The following NEDD4 variants were observed in gnomAD, a reference collection of about 807,000 sequenced individuals.
The protein encoded by NEDD4 is E3 ubiquitin-protein ligase NEDD4.
NEDD4 carries 99 observed loss-of-function variants against 144.9 expected under a neutral mutation model. The ratio of observed to expected loss-of-function variants is 0.68; its 90% CI spans 0.58 to 0.81. The LOEUF (loss-of-function observed/expected upper bound fraction) is 0.81. Ranked by LOEUF, NEDD4 falls within the 30% of genes least tolerant of loss-of-function variation. The pLI is 0.00. For missense variants in NEDD4, 985 were observed against 1,065.9 expected (o/e 0.92, Z 1.06); for synonymous variants, 318 against 350.6 (o/e 0.91, Z 1.04).
At chr15:55,919,303 TGTTG>T (rs1361942356) in intron 5 of NEDD4, among the ~76,000 whole-genome samples, 1 of 152,170 alleles carries the variant, frequency 6.6e-6, no homozygotes, top group Non-Finnish European at 1.5e-5. Flanking sequence ...TTCTTGTTGT[TGTTG>T]AAGTTGATCC....
chr15:55,832,476 G>A (rs931241399), intron 27 of NEDD4, among the ~76,000 whole-genome samples: 3 of 152,046 alleles, frequency 2.0e-5, no homozygotes, highest in Non-Finnish European at 4.4e-5. Context: ...CTACAGTGGT[G>A]CGATCTTGGC....
At chr15:55,935,480 A>G (rs1233520623) in intron 4 of NEDD4, among the ~76,000 whole-genome samples, 3 of 152,124 alleles carry the variant, frequency 2.0e-5, no homozygotes, top group African/African-American at 7.2e-5. Context: ...GGAAATATGC[A>G]CATTACACAA....
chr15:55,989,598 T>C (rs1355912814), intron 1 of NEDD4, among the ~76,000 whole-genome samples: 1 of 152,256 alleles, frequency 6.6e-6, no homozygotes, highest in Non-Finnish European at 1.5e-5. Flanking sequence ...TCTATTATTC[T>C]GTATGTGCAA....
intron 8 of NEDD4, among the ~76,000 whole-genome samples, chr15:55,863,568 C>T (rs1287618499): frequency 6.6e-6 from 1 of 151,846 alleles, no homozygotes; most frequent in Non-Finnish European, 1.5e-5. Flanking sequence ...CAATTATTGT[C>T]AATCAAAAAT....
At chr15:55,842,285 T>G in intron 18 of NEDD4, 122 bp from the exon 19 acceptor site, 29 of 738,868 alleles carry the variant, frequency 3.9e-5, no homozygotes, top group Non-Finnish European at 6.2e-5. Context: ...CCTTACGTAA[T>G]ATACTCAGGG....
chr15:55,854,918 A>G (rs1031553480), intron 12 of NEDD4, among the ~76,000 whole-genome samples: 12 of 152,200 alleles, frequency 7.9e-5, no homozygotes, highest in Admixed American at 2.0e-4. Flanking sequence ...CTGTCAGTCA[A>G]TGAGAACTTC....
chr15:55,846,895 T>C (rs2033769674), intron 18 of NEDD4, 74 bp downstream of exon 18: 5 of 962,116 alleles, frequency 5.2e-6, no homozygotes, highest in Non-Finnish European at 8.0e-6. Flanking sequence ...AAATTATTAC[T>C]GTAAAAAACA....
At position 55,931,003 on chromosome 15, in the gene NEDD4, C is replaced by T. The variant is rs529037810; in HGVS notation, c.238-6304G>A. On this transcript the variant is annotated intron_variant, in intron 4 of 28. Coordinates refer to ENST00000435532, the MANE Select transcript of NEDD4 (RefSeq NM_006154.4). The stretch of plus-strand genomic sequence containing the variant: ...AACACAATGGATTTTAAAAACTGTA[C>T]ATACAAGGCATATAACTGTGAAATT... 8.9e-4 allele frequency among the ~76,000 whole-genome samples: 135 copies of T among 152,084 alleles called. 4 individuals carry two copies. In the South Asian group the frequency reaches 0.028, roughly 31 times the overall value.
chr15:55,855,990 C>G (rs2034178223), intron 12 of NEDD4, 141 bp downstream of exon 12: 1 of 673,566 alleles, frequency 1.5e-6, no homozygotes, highest in South Asian at 1.7e-5. Flanking sequence ...AGCCCCTTCC[C>G]TGAACATCAC....
intron 5 of NEDD4, among the ~76,000 whole-genome samples, chr15:55,919,921 G>C (rs146777146): frequency 6.6e-6 from 1 of 152,218 alleles, no homozygotes; most frequent in African/African-American, 2.4e-5. Flanking sequence ...CACTTGTTTG[G>C]TCAAACATCA....
At chr15:55,945,398 G>T (rs551740488) in intron 4 of NEDD4, among the ~76,000 whole-genome samples, 22 of 152,152 alleles carry the variant, frequency 1.4e-4, no homozygotes, top group Non-Finnish European at 2.2e-4. Flanking sequence ...TCAATCAAGT[G>T]GAAGAAAGGC....
At chr15:55,905,973 A>G (rs1390641318) in intron 5 of NEDD4, among the ~76,000 whole-genome samples, 1 of 152,234 alleles carries the variant, frequency 6.6e-6, no homozygotes, top group African/African-American at 2.4e-5. Context: ...TGGGCGAAGG[A>G]TATGAACAGA....
At chr15:55,898,686 A>T (rs2142146541) in intron 5 of NEDD4, among the ~76,000 whole-genome samples, 1 of 149,382 alleles carries the variant, frequency 6.7e-6, no homozygotes, top group Admixed American at 6.7e-5. Flanking sequence ...GCCCAGGCTA[A>T]ATACAGTGGC....
intron 21 of NEDD4, 49 bp downstream of exon 21, chr15:55,840,398 C>G: frequency 2.7e-6 from 4 of 1,492,282 alleles, no homozygotes; most frequent in Non-Finnish European, 2.7e-6. Context: ...AATGTTCAAG[C>G]TGCTTGTTAA....
chr15:55,943,943 C>A (rs1267138449), intron 4 of NEDD4, among the ~76,000 whole-genome samples: 1 of 152,236 alleles, frequency 6.6e-6, no homozygotes, highest in East Asian at 1.9e-4. Context: ...TCGGAACCCA[C>A]CCCTTGCATC....
intron 21 of NEDD4, among the ~76,000 whole-genome samples, chr15:55,839,765 C>T (rs1338326607): frequency 6.6e-6 from 1 of 151,384 alleles, no homozygotes; most frequent in South Asian, 2.1e-4. Flanking sequence ...ATAACGAGGT[C>T]AAAAGACTGA....
chr15:55,858,385 C>A (rs1465469172), intron 11 of NEDD4, among the ~76,000 whole-genome samples: 1 of 152,114 alleles, frequency 6.6e-6, no homozygotes, highest in Non-Finnish European at 1.5e-5. Flanking sequence ...CGGCTCACTG[C>A]AACCTCTGCC....
intron 5 of NEDD4, among the ~76,000 whole-genome samples, chr15:55,923,472 C>G (rs900412262): frequency 2.0e-5 from 3 of 151,558 alleles, no homozygotes; most frequent in African/African-American, 7.3e-5. Flanking sequence ...ATGGTGAAAC[C>G]CCATCTCTAC....
At chr15:55,883,692 C>CACACAA (rs1555399442) in intron 5 of NEDD4, among the ~76,000 whole-genome samples, 31 of 53,212 alleles carry the variant, frequency 5.8e-4, no homozygotes, top group African/African-American at 1.9e-3. Flanking sequence ...CACACACACA[C>CACACAA]ACAAACACAC....
Sources: allele counts gnomAD v4.1 joint callset (sites outside exome capture counted in the v4.1 genomes callset), GRCh38; gene constraint gnomAD v4.1.1; transcripts MANE v1.5; gene names NCBI Gene and HGNC (gene_info 2026-07-23, HGNC 2026-07-21).